GABRB1: variants seen among roughly 807,000 people sequenced by gnomAD.
GABRB1 encodes the protein gamma-aminobutyric acid receptor subunit beta-1.
Under a neutral mutation model 51.6 loss-of-function variants are expected in GABRB1, and 17 were observed. That is an observed-to-expected ratio of 0.33 (90% CI 0.23 to 0.49). The LOEUF is 0.49. Among genes scored for constraint, GABRB1 ranks in the 20% least tolerant of loss-of-function variants. GABRB1 has a pLI of 0.99. For synonymous variants in GABRB1, 247 were observed against 218.9 expected, an observed-to-expected ratio of 1.13 and a Z score of -1.14; for missense variants, 410 against 600.6, an observed-to-expected ratio of 0.68 and a Z score of 3.32.
intron 3 of GABRB1, among the ~76,000 whole-genome samples, chr4:47,046,888 G>C (rs1004519576): frequency 6.6e-6 from 1 of 152,008 alleles, no homozygotes; most frequent in Non-Finnish European, 1.5e-5. Flanking sequence ...AACTAACACA[G>C]GAACAGAAAA....
chr4:47,314,141 G>A (rs745459887), intron 4 of GABRB1, among the ~76,000 whole-genome samples: 7 of 152,026 alleles, frequency 4.6e-5, no homozygotes, highest in South Asian at 2.1e-4. Context: ...CGAGGTGATC[G>A]TAGTTTAAAA....
chr4:47,083,471 C>T (rs926257499), intron 3 of GABRB1, among the ~76,000 whole-genome samples: 2 of 152,076 alleles, frequency 1.3e-5, no homozygotes, highest in Non-Finnish European at 2.9e-5. Flanking sequence ...TCTTATAAAG[C>T]CCAAGAGTAT....
chr4:47,363,533 G>C (rs1726877231), intron 5 of GABRB1, among the ~76,000 whole-genome samples: 1 of 151,956 alleles, frequency 6.6e-6, no homozygotes, highest in Non-Finnish European at 1.5e-5. Flanking sequence ...CACTCTCCCA[G>C]GTCATATTTA....
At chr4:47,261,082 C>T (rs1275705825) in intron 4 of GABRB1, among the ~76,000 whole-genome samples, 2 of 152,174 alleles carry the variant, frequency 1.3e-5, no homozygotes, top group East Asian at 1.9e-4. Flanking sequence ...GACGAACCCA[C>T]AGCCAATATC....
At chr4:47,337,142 A>G (rs977549665) in intron 5 of GABRB1, among the ~76,000 whole-genome samples, 2 of 152,128 alleles carry the variant, frequency 1.3e-5, no homozygotes, top group Non-Finnish European at 2.9e-5. Context: ...TGGAAGGGAC[A>G]ATAAGAAACA....
chr4:46,999,870 G>A (rs866236176), intron 1 of GABRB1, among the ~76,000 whole-genome samples: 1 of 152,106 alleles, frequency 6.6e-6, no homozygotes, highest in South Asian at 2.1e-4. Flanking sequence ...TTTGCACATG[G>A]GACCCATGAG....
At chr4:47,081,369 T>C (rs1727834518) in intron 3 of GABRB1, among the ~76,000 whole-genome samples, 1 of 152,142 alleles carries the variant, frequency 6.6e-6, no homozygotes, top group Non-Finnish European at 1.5e-5. Flanking sequence ...TTTCAAAGCT[T>C]GAATAAGAAA....
intron 4 of GABRB1, among the ~76,000 whole-genome samples, chr4:47,290,829 G>A (rs1253710403): frequency 6.6e-6 from 1 of 152,124 alleles, no homozygotes; most frequent in Non-Finnish European, 1.5e-5. Flanking sequence ...AAGCAGCAAA[G>A]CATTCAAAAG....
chr4:47,326,101 T>C (rs1218984280), intron 5 of GABRB1, among the ~76,000 whole-genome samples: 1 of 152,206 alleles, frequency 6.6e-6, no homozygotes, highest in African/African-American at 2.4e-5. Context: ...TCCTGCTCTG[T>C]CCTGACTGGG....
At chr4:47,026,363 T>G (rs1469462237) in intron 1 of GABRB1, among the ~76,000 whole-genome samples, 3 of 152,052 alleles carry the variant, frequency 2.0e-5, no homozygotes, top group Non-Finnish European at 4.4e-5. Context: ...ACCGGGTTGT[T>G]TGTTTTGTTC....
intron 3 of GABRB1, among the ~76,000 whole-genome samples, chr4:47,152,697 G>C (rs1717515156): frequency 1.3e-5 from 2 of 151,894 alleles, no homozygotes; most frequent in South Asian, 4.2e-4. Flanking sequence ...CATCTTAGAT[G>C]AATTAGCCAT....
chr4:47,037,764 A>C lies in GABRB1; in HGVS notation c.240+5280A>C, dbSNP rs767682255. 3.9e-5 allele frequency among the ~76,000 whole-genome samples: 6 copies of C among 152,208 alleles called. No individual in the cohort carries two copies. The East Asian group carries it at 5.8e-4, about 15-fold the overall frequency. ...CAGTGCTTTACATTAATAGCGATTTAATCCTTTACTTAATGCTATACAATT... is the reference window on the plus strand; with the variant it reads ...CAGTGCTTTACATTAATAGCGATTTCATCCTTTACTTAATGCTATACAATT... On this transcript the variant is annotated intron_variant, in intron 3 of 8. Transcript: ENST00000295454.
intron 8 of GABRB1, among the ~76,000 whole-genome samples, chr4:47,416,750 C>A (rs996899225): frequency 6.6e-6 from 1 of 152,088 alleles, no homozygotes; most frequent in African/African-American, 2.4e-5. Flanking sequence ...CTGCACCCAG[C>A]CTGTTTTGCA....
At chr4:47,418,802 A>T (rs1276475511) in intron 8 of GABRB1, among the ~76,000 whole-genome samples, 1 of 152,204 alleles carries the variant, frequency 6.6e-6, no homozygotes, top group African/African-American at 2.4e-5. Flanking sequence ...GAGAGGATCA[A>T]GAGTTCTGCT....
intron 4 of GABRB1, among the ~76,000 whole-genome samples, chr4:47,288,736 T>C (rs1158190432): frequency 2.0e-5 from 3 of 152,170 alleles, no homozygotes; most frequent in African/African-American, 7.2e-5. Flanking sequence ...TTTCAAATGC[T>C]TTATAGGTGT....
At chr4:47,279,365 A>G (rs1221450813) in intron 4 of GABRB1, among the ~76,000 whole-genome samples, 2 of 152,192 alleles carry the variant, frequency 1.3e-5, no homozygotes, top group Non-Finnish European at 2.9e-5. Flanking sequence ...AGAATAAAAT[A>G]AGACTGAATA....
At chr4:47,396,824 C>T (rs563207387) in intron 5 of GABRB1, among the ~76,000 whole-genome samples, 2 of 152,222 alleles carry the variant, frequency 1.3e-5, no homozygotes, top group East Asian at 1.9e-4. Flanking sequence ...ACGTGCTCAG[C>T]AAAATATGTT....
At chr4:47,263,467 G>T (rs1722531092) in intron 4 of GABRB1, among the ~76,000 whole-genome samples, 1 of 152,112 alleles carries the variant, frequency 6.6e-6, no homozygotes, top group Non-Finnish European at 1.5e-5. Context: ...AGTGATGCAT[G>T]TTTGACTCCA....
At chr4:47,206,904 GTGTT>G (rs1355304141) in intron 4 of GABRB1, among the ~76,000 whole-genome samples, 1 of 151,674 alleles carries the variant, frequency 6.6e-6, no homozygotes, top group African/African-American at 2.4e-5. Flanking sequence ...ATATGTGTGT[GTGTT>G]TATCAGGCTA....
Sources: gnomAD v4.1 joint callset for allele counts (sites outside exome capture counted in the v4.1 genomes callset) on GRCh38, gnomAD v4.1.1 for gene constraint, MANE v1.5 for transcripts, NCBI Gene and HGNC (gene_info 2026-07-23, HGNC 2026-07-21) for gene names.